Variants in TRAP1 observed in about 807,000 individuals in gnomAD.
TRAP1 encodes heat shock protein 75 kDa, mitochondrial.
Under a neutral mutation model 89.1 loss-of-function variants are expected in TRAP1, and 102 were observed. The ratio of observed to expected loss-of-function variants is 1.15; its 90% CI spans 0.98 to 1.35. The LOEUF (loss-of-function observed/expected upper bound fraction) is 1.35, where lower values mean the gene tolerates loss of function less well. Among genes scored for constraint, TRAP1 ranks in the 40% most tolerant of loss-of-function variants. The probability of loss-of-function intolerance (pLI) is 0.00; values close to 1 mark genes in which losing one functional copy is unlikely to be tolerated. For missense variants in TRAP1, 1,256 were observed against 945.3 expected, an observed-to-expected ratio of 1.33 and a Z score of -4.31; for synonymous variants, 508 against 388.0, an observed-to-expected ratio of 1.31 and a Z score of -3.64.
rs1174826002 is a variant in TRAP1 at position 3,686,087 on chromosome 16, A to G, written c.380T>C (p.Leu127Pro). 4.3e-6 allele frequency: 7 copies of G among 1,614,120 alleles called. No homozygotes were observed. Among genetic ancestry groups the G allele is most frequent in the Non-Finnish European group, 5.9e-6 (7 of 1,180,022 alleles). ...ISNASDALEK[L>P]RHKLVSDGQA... ...GCCGTCAGACACCAGTTTGTGACGC[A>G]GTTTTTCCAAGGCATCGCTGGCATT... is the stretch of plus-strand genomic sequence containing the variant. The change falls in exon 4 of 18, where the codon CTG (leucine) becomes CCG (proline). Residue 127 changes from leucine (L) to proline (P), a missense_variant. Transcript: ENST00000246957.
chr16:3,690,266 A>G (rs1347679868), intron 2 of TRAP1, among the ~76,000 whole-genome samples: 1 of 152,156 alleles, frequency 6.6e-6, no homozygotes, highest in Non-Finnish European at 1.5e-5. Context: ...TCGGCCTCCC[A>G]AAGTGCTGGG....
At chr16:3,698,032 C>T (rs1005365519) in intron 1 of TRAP1, among the ~76,000 whole-genome samples, 1 of 151,518 alleles carries the variant, frequency 6.6e-6, no homozygotes, top group African/African-American at 2.4e-5. Flanking sequence ...AGGATGGTCT[C>T]GAACTCCTGA....
chr16:3,682,286 C>G (rs2051082172), intron 4 of TRAP1, among the ~76,000 whole-genome samples: 1 of 150,170 alleles, frequency 6.7e-6, no homozygotes, highest in African/African-American at 2.5e-5. Context: ...CACAACAGCT[C>G]ACATCTGTAA....
chr16:3,717,480 A>G lies in TRAP1; in HGVS notation c.29T>C (p.Leu10Pro). The G allele has an allele frequency of 1.5e-6, 2 of 1,337,184 alleles. No homozygotes were observed. Among genetic ancestry groups the G allele is most frequent in the Non-Finnish European group, 1.9e-6 (2 of 1,047,890 alleles). The allele number at this position is 1,337,184 out of a possible 1,614,324, so 82.8% of individuals were successfully genotyped here. A position where few individuals can be genotyped will look rare whatever the true frequency, so the allele number is the denominator to read the frequency against. Residue 10 changes from leucine (L) to proline (P), a missense_variant, in exon 1 of 18, where the codon CTG becomes CCG. Transcript: ENST00000246957. MARELRALLLWGRRLRPLLR... is the reference protein window; with the variant it reads MARELRALLPWGRRLRPLLR... ...CAAAGGCCGCAGGCGGCGGCCCCAC[A>G]GCAGCAGCGCCCGCAGCTCGCGCGC... is the stretch of plus-strand genomic sequence containing the variant.
chr16:3,705,357 C>G (rs1484950900), intron 1 of TRAP1, among the ~76,000 whole-genome samples: 1 of 152,138 alleles, frequency 6.6e-6, no homozygotes, highest in Non-Finnish European at 1.5e-5. Flanking sequence ...GCATGAGCCA[C>G]CATGCCCGGA....
chr16:3,711,674 G>C (rs943988834), intron 1 of TRAP1, among the ~76,000 whole-genome samples: 2 of 151,782 alleles, frequency 1.3e-5, no homozygotes, highest in African/African-American at 2.4e-5. Context: ...CCCGCAAGTA[G>C]ATACTGTTTC....
At chr16:3,675,226 C>A in intron 8 of TRAP1, 98 bp downstream of exon 8, 2 of 1,219,384 alleles carry the variant, frequency 1.6e-6, no homozygotes, top group South Asian at 1.3e-5. Context: ...CCCTGTGACT[C>A]TGGGCCGCAT....
intron 13 of TRAP1, 82 bp from the exon 14 acceptor site, chr16:3,663,644 C>G (rs1201971080): frequency 6.3e-7 from 1 of 1,574,900 alleles, no homozygotes; most frequent in Admixed American, 1.8e-5. Flanking sequence ...GGCAGGAGGG[C>G]TGGGGGAGCC....
intron 1 of TRAP1, among the ~76,000 whole-genome samples, chr16:3,705,338 G>C (rs935007289): frequency 2.6e-5 from 4 of 152,122 alleles, no homozygotes; most frequent in Admixed American, 2.0e-4. Context: ...CAAAGTGCTG[G>C]GATTACAGGC....
At chr16:3,692,374 A>G (rs1472533475) in intron 1 of TRAP1, among the ~76,000 whole-genome samples, 4 of 151,886 alleles carry the variant, frequency 2.6e-5, no homozygotes, top group East Asian at 3.9e-4. Flanking sequence ...CATCTGTACT[A>G]AAAATACAAA....
intron 8 of TRAP1, chr16:3,675,046 C>A (rs866541132): frequency 5.2e-5 from 24 of 458,254 alleles, no homozygotes; most frequent in Middle Eastern, 6.0e-4. Context: ...TGTGGCTGCA[C>A]TGAACACCAT....
intron 11 of TRAP1, among the ~76,000 whole-genome samples, chr16:3,670,340 G>GC (rs2050895281): frequency 7.9e-6 from 1 of 127,252 alleles, no homozygotes; most frequent in Admixed American, 9.9e-5. Flanking sequence ...CCGAGACTGC[G>GC]CCACTGCACT....
chr16:3,713,623 G>T (rs1051854583), intron 1 of TRAP1, among the ~76,000 whole-genome samples: 17 of 152,226 alleles, frequency 1.1e-4, no homozygotes, highest in Admixed American at 4.6e-4. Context: ...GGCATGACCA[G>T]GAGACTGGAC....
intron 11 of TRAP1, among the ~76,000 whole-genome samples, chr16:3,670,736 T>G (rs544231779): frequency 6.6e-6 from 1 of 152,086 alleles, no homozygotes; most frequent in South Asian, 2.1e-4. Context: ...GCTTGCTTGG[T>G]TGAAAAAAGA....
Position 3,664,352 on chromosome 16 carries a change from G to C in TRAP1, c.1491C>G (p.Ile497Met), listed in dbSNP as rs2050774764. The change falls in exon 13 of 18, where the codon ATC becomes ATG. Residue 497 changes from isoleucine (I) to methionine (M), a missense_variant. Ile to Met is a conservative substitution (Grantham distance 10, BLOSUM62 1). Coordinates refer to ENST00000246957, the MANE Select transcript of TRAP1 (RefSeq NM_016292.3). Reference protein sequence around the residue: ...ASRMRAGTRNIYYLCAPNRHL... With the variant: ...ASRMRAGTRNMYYLCAPNRHL... ...GACGGTTGGGGGCGCACAGGTAGTA[G>C]ATGTTGCGGGTGCCGGCCCGCATGC... 1.2e-6 allele frequency: 2 copies of C among 1,613,134 alleles called. No individual in the cohort carries two copies. The highest frequency in any genetic ancestry group is 1.7e-6 in the Non-Finnish European group (2 of 1,179,682).
At chr16:3,716,953 G>A (rs1482674175) in intron 1 of TRAP1, among the ~76,000 whole-genome samples, 1 of 152,204 alleles carries the variant, frequency 6.6e-6, no homozygotes, top group Admixed American at 6.5e-5. Flanking sequence ...TCCAATGAAC[G>A]AATTAACAAA....
chr16:3,664,219 A>C, intron 13 of TRAP1, 55 bp downstream of exon 13: 326 of 1,468,942 alleles, frequency 2.2e-4, no homozygotes, highest in Non-Finnish European at 2.6e-4. Context: ...TGAGAAGGTC[A>C]AGACCCTCCC....
At chr16:3,696,556 G>T (rs2051290202) in intron 1 of TRAP1, among the ~76,000 whole-genome samples, 1 of 152,116 alleles carries the variant, frequency 6.6e-6, no homozygotes, top group Non-Finnish European at 1.5e-5. Flanking sequence ...ACTGGCTGGT[G>T]TAAGTTACTA....
intron 3 of TRAP1, among the ~76,000 whole-genome samples, chr16:3,687,619 C>A (rs1309154107): frequency 6.6e-6 from 1 of 152,088 alleles, no homozygotes; most frequent in Non-Finnish European, 1.5e-5. Flanking sequence ...TGTGGTGGCT[C>A]ACACCTGTGA....
Sources: allele counts gnomAD v4.1 joint callset (sites outside exome capture counted in the v4.1 genomes callset), GRCh38; gene constraint gnomAD v4.1.1; transcripts MANE v1.5; gene names NCBI Gene and HGNC (gene_info 2026-07-23, HGNC 2026-07-21).